Variants in NRXN1 observed in about 807,000 individuals in gnomAD.
The protein encoded by NRXN1 is neurexin 1.
Under a neutral mutation model 150.9 loss-of-function variants are expected in NRXN1, and 39 were observed. That is an observed-to-expected ratio of 0.26 (90% CI 0.20 to 0.34). NRXN1 has a LOEUF of 0.34. Ranked by LOEUF, NRXN1 falls within the 10% of genes least tolerant of loss-of-function variation. The pLI, the probability that NRXN1 is intolerant of heterozygous loss-of-function variation, is 1.00. For synonymous variants in NRXN1, 924 were observed against 757.0 expected (o/e 1.22, Z -3.62); for missense variants, 1,815 against 1,949.9 (o/e 0.93, Z 1.30).
chr2:50,744,945 G>T (rs1041012552), intron 5 of NRXN1, among the ~76,000 whole-genome samples: 1 of 152,038 alleles, frequency 6.6e-6, no homozygotes, highest in Non-Finnish European at 1.5e-5. Context: ...ACAATCTCTT[G>T]GTGTTTCTGT....
intron 17 of NRXN1, among the ~76,000 whole-genome samples, chr2:50,311,660 C>G (rs1367375852): frequency 6.6e-6 from 1 of 151,988 alleles, no homozygotes; most frequent in Non-Finnish European, 1.5e-5. Flanking sequence ...TAATATGCAG[C>G]CACTGATCTT....
chr2:50,265,926 G>A (rs1298007203), intron 17 of NRXN1, among the ~76,000 whole-genome samples: 1 of 151,264 alleles, frequency 6.6e-6, no homozygotes, highest in East Asian at 1.9e-4. Flanking sequence ...CACAAAGATA[G>A]AGGTTTGAGG....
chr2:50,013,863 T>C (rs905068559), intron 21 of NRXN1, among the ~76,000 whole-genome samples: 1 of 152,044 alleles, frequency 6.6e-6, no homozygotes, highest in African/African-American at 2.4e-5. Context: ...AATTACATCA[T>C]TTGGGTACTA....
intron 18 of NRXN1, among the ~76,000 whole-genome samples, chr2:50,186,066 C>T (rs998834187): frequency 2.6e-5 from 4 of 152,016 alleles, no homozygotes; most frequent in Admixed American, 2.6e-4. Context: ...TGGAAAAACT[C>T]ATAAACTAAG....
At chr2:50,792,377 C>T (rs986797890) in intron 5 of NRXN1, among the ~76,000 whole-genome samples, 1 of 152,024 alleles carries the variant, frequency 6.6e-6, no homozygotes, top group African/African-American at 2.4e-5. Flanking sequence ...ATCTTGATCA[C>T]CACTTTATCT....
chr2:50,605,065 C>T (rs542217512), intron 8 of NRXN1, among the ~76,000 whole-genome samples: 41 of 152,182 alleles, frequency 2.7e-4, no homozygotes, highest in African/African-American at 8.4e-4. Flanking sequence ...GGTAAAATTA[C>T]ATTACAGTAG....
intron 18 of NRXN1, chr2:50,185,733 A>C (rs2061025206): frequency 6.6e-6 from 1 of 152,056 alleles, no homozygotes; most frequent in African/African-American, 2.4e-5. Flanking sequence ...CCTGATACTG[A>C]ACTATATTTG....
At chr2:50,116,399 T>C (rs1379223359) in intron 18 of NRXN1, among the ~76,000 whole-genome samples, 1 of 152,040 alleles carries the variant, frequency 6.6e-6, no homozygotes, top group Non-Finnish European at 1.5e-5. Context: ...CATCTAGGCT[T>C]GGAGAAGAGG....
intron 5 of NRXN1, among the ~76,000 whole-genome samples, chr2:50,674,658 C>T (rs78196477): frequency 0.079 from 12,073 of 151,888 alleles, 618 homozygotes; most frequent in Non-Finnish European, 0.11. Flanking sequence ...GTAGAAAGGG[C>T]AGAACTTTGT....
intron 17 of NRXN1, among the ~76,000 whole-genome samples, chr2:50,306,795 T>A (rs2074654241): frequency 6.6e-6 from 1 of 152,194 alleles, no homozygotes; most frequent in Non-Finnish European, 1.5e-5. Context: ...TTGGCTTAGA[T>A]GGAGTTCTAA....
intron 21 of NRXN1, among the ~76,000 whole-genome samples, chr2:50,006,318 T>G (rs1007234893): frequency 6.6e-6 from 1 of 152,120 alleles, no homozygotes; most frequent in African/African-American, 2.4e-5. Flanking sequence ...TCTCCCTTCT[T>G]AGGCCATTTT....
intron 18 of NRXN1, among the ~76,000 whole-genome samples, chr2:50,232,028 T>C (rs926121106): frequency 2.6e-5 from 4 of 152,152 alleles, no homozygotes; most frequent in African/African-American, 4.8e-5. Context: ...AAATCTATTA[T>C]TTGTTAACTG....
intron 7 of NRXN1, among the ~76,000 whole-genome samples, chr2:50,620,788 A>C (rs1023291583): frequency 9.9e-5 from 15 of 152,122 alleles, no homozygotes; most frequent in Non-Finnish European, 1.6e-4. Context: ...AAACAGGGAG[A>C]ACCAAAGGAA....
In NRXN1 at chr2:51,029,072, G is replaced by C. The variant is rs202159407; in HGVS notation, c.-799C>G. 6.6e-6 allele frequency: 1 copy of C among 152,224 alleles called. No homozygotes were observed. The highest frequency in any genetic ancestry group is 2.4e-5 in the African/African-American group (1 of 41,458). The allele number at this position is 152,224 out of a possible 1,614,324, so 9.4% of individuals were successfully genotyped here. ...CCAGAAGCTGTTAGATGTGGAAATC[G>C]CAACAGCTCCTCTTCTTTTCTCTCT... On this transcript the variant is annotated 5_prime_UTR_variant, in exon 2 of 23. Transcript: ENST00000401669.
chr2:50,552,225 C>T (rs942350564), intron 9 of NRXN1, among the ~76,000 whole-genome samples: 4 of 152,108 alleles, frequency 2.6e-5, no homozygotes, highest in Middle Eastern at 3.4e-3. Flanking sequence ...TTTGCCACTT[C>T]GGGTACCTCC....
At chr2:50,282,966 C>T (rs1015801698) in intron 17 of NRXN1, among the ~76,000 whole-genome samples, 2 of 152,110 alleles carry the variant, frequency 1.3e-5, no homozygotes, top group Non-Finnish European at 2.9e-5. Flanking sequence ...ACCATGGATA[C>T]TTGCTTAAAC....
intron 21 of NRXN1, among the ~76,000 whole-genome samples, chr2:50,043,162 T>C (rs1298901610): frequency 1.3e-5 from 2 of 152,114 alleles, no homozygotes; most frequent in African/African-American, 4.8e-5. Flanking sequence ...TCCCAAACAA[T>C]GTAGAATGCA....
chr2:50,320,692 A>G (rs572401072), intron 17 of NRXN1, among the ~76,000 whole-genome samples: 1 of 152,110 alleles, frequency 6.6e-6, no homozygotes, highest in South Asian at 2.1e-4. Context: ...TGGAAATCGA[A>G]TATGAAATTC....
chr2:50,609,233 GCAA>G (rs1330663683), intron 8 of NRXN1, among the ~76,000 whole-genome samples: 4 of 152,068 alleles, frequency 2.6e-5, no homozygotes, highest in African/African-American at 9.7e-5. Context: ...AAATTCATCT[GCAA>G]CCAGGACAAT....
Sources: gnomAD v4.1 joint callset for allele counts (sites outside exome capture counted in the v4.1 genomes callset) on GRCh38, gnomAD v4.1.1 for gene constraint, MANE v1.5 for transcripts, NCBI Gene and HGNC (gene_info 2026-07-23, HGNC 2026-07-21) for gene names.